CLTA: variants seen among roughly 807,000 people sequenced by gnomAD.
The protein encoded by CLTA is clathrin light chain A.
In CLTA, 9 loss-of-function variants were observed where a neutral mutation model predicts 26.9. The ratio of observed to expected loss-of-function variants is 0.33; its 90% CI spans 0.20 to 0.58. The LOEUF is 0.58. CLTA is among the 20% of genes least tolerant of loss of function. CLTA has a pLI of 0.85. For synonymous variants in CLTA, 120 were observed against 115.5 expected (o/e 1.04, Z -0.25); for missense variants, 278 against 294.2 (o/e 0.94, Z 0.40).
Position 36,198,310 on chromosome 9 carries a change from A to G in CLTA, c.256-669A>G, listed in dbSNP as rs186184403. 7.9e-5 allele frequency among the ~76,000 whole-genome samples: 12 copies of G among 151,740 alleles called. No individual in the cohort carries two copies. The East Asian group carries it at 1.6e-3, about 20-fold the overall frequency. On this transcript the variant is annotated intron_variant, in intron 2 of 4. Coordinates refer to ENST00000345519, the MANE Select transcript of CLTA (RefSeq NM_001833.4). ...ACCGCACCCCGCCAGAGCCACCGCA[A>G]CCTTGGCTCACTGCAGAACCCGTTT...
chr9:36,191,004 G>T lies in CLTA; in HGVS notation c.-53G>T, dbSNP rs1826661175. 1.1e-5 allele frequency: 16 copies of T among 1,473,844 alleles called. No homozygotes were observed. The Admixed American group carries it at 3.7e-4, about 34-fold the overall frequency. The allele number at this position is 1,473,844 out of a possible 1,614,324, so 91.3% of individuals were successfully genotyped here. On this transcript the variant is annotated 5_prime_UTR_variant, in exon 1 of 5. Transcript: ENST00000345519. ...GTGGCTGCCGGGCGTGGTGTCGGTG[G>T]GTCGGTTGGTTTTTGTCTCACCGTT...
intron 3 of CLTA, among the ~76,000 whole-genome samples, 163 bp downstream of exon 3, chr9:36,199,259 C>G (rs1827256003): frequency 1.3e-5 from 2 of 152,050 alleles, no homozygotes; most frequent in Non-Finnish European, 2.9e-5. Context: ...ACAGAGATGC[C>G]TAATCACAGG....
intron 1 of CLTA, among the ~76,000 whole-genome samples, chr9:36,195,573 A>G (rs1168202618): frequency 6.6e-6 from 1 of 152,190 alleles, no homozygotes; most frequent in Non-Finnish European, 1.5e-5. Context: ...AGTCCCTAGT[A>G]TCAGGGAAGG....
intron 1 of CLTA, among the ~76,000 whole-genome samples, chr9:36,194,962 G>A (rs1258068986): frequency 1.3e-5 from 2 of 152,200 alleles, no homozygotes; most frequent in African/African-American, 4.8e-5. Context: ...GGAGATGTGG[G>A]ATGAGGATTG....
At chr9:36,200,476 T>A (rs1827343451) in intron 3 of CLTA, among the ~76,000 whole-genome samples, 1 of 152,218 alleles carries the variant, frequency 6.6e-6, no homozygotes, top group African/African-American at 2.4e-5. Flanking sequence ...TATTCCCTCT[T>A]GGGAACTGTT....
intron 4 of CLTA, chr9:36,209,117 G>A: frequency 1.1e-6 from 1 of 885,972 alleles, no homozygotes; most frequent in Non-Finnish European, 1.7e-6. Flanking sequence ...CTCCAGCGCT[G>A]GAAGCCTCAC....
At chr9:36,199,454 C>CTT (rs879907387) in intron 3 of CLTA, among the ~76,000 whole-genome samples, 3 of 142,538 alleles carry the variant, frequency 2.1e-5, no homozygotes, top group Admixed American at 7.0e-5. Context: ...TTTCTTTTTT[C>CTT]TTTTTTTTTT....
At position 36,211,951 on chromosome 9, in the gene CLTA, C is replaced by A; in HGVS notation, c.*177C>A. ...CTTCAACTGTGTTCTCCCTGGCATT[C>A]AGAGAGGAGGGAGAGGAGGAAGAGG... is the stretch of plus-strand genomic sequence containing the variant. On this transcript the variant is annotated 3_prime_UTR_variant, in exon 5 of 5. Transcript: ENST00000345519. 1 of 713,282 alleles carries A rather than the reference C, an allele frequency of 1.4e-6. No homozygotes were observed. 44.2% of individuals were successfully genotyped at this position (713,282 alleles called of 1,614,324 possible). A position where few individuals can be genotyped will look rare whatever the true frequency, so the allele number is the denominator to read the frequency against.
intron 1 of CLTA, among the ~76,000 whole-genome samples, chr9:36,194,496 A>G (rs1440790020): frequency 1.3e-5 from 2 of 152,260 alleles, no homozygotes; most frequent in Admixed American, 1.3e-4. Flanking sequence ...TTCAGATCCC[A>G]GCAGTAGCTC....
intron 1 of CLTA, among the ~76,000 whole-genome samples, 163 bp downstream of exon 1, chr9:36,191,436 C>T (rs773721183): frequency 1.3e-5 from 2 of 152,348 alleles, no homozygotes; most frequent in South Asian, 2.1e-4. Context: ...GAAACCTAGG[C>T]TCGAGAAGCC....
In CLTA at chr9:36,211,678, G is replaced by A. The variant is rs759804811; in HGVS notation, c.561G>A (p.Leu187=). Reference sequence around the variant, plus strand: ...CTGAGTGGGAACGGGTGGCCCGGCTGTGTGACTTTAACCCCAAGTCTAGCA... The same window carrying A: ...CTGAGTGGGAACGGGTGGCCCGGCTATGTGACTTTAACCCCAAGTCTAGCA... ...PGTEWERVAR[L]CDFNPKSSKQ... Residue 187 remains leucine (L), a synonymous_variant, in exon 5 of 5, where the codon CTG becomes CTA. Coordinates refer to ENST00000345519, the MANE Select transcript of CLTA (RefSeq NM_001833.4). The A allele has an allele frequency of 1.2e-6, 2 of 1,614,020 alleles. No individual in the cohort carries two copies. The highest frequency in any genetic ancestry group is 1.3e-5 in the African/African-American group (1 of 74,920).
chr9:36,208,676 A>G (rs544213006), intron 4 of CLTA, among the ~76,000 whole-genome samples: 118 of 152,344 alleles, frequency 7.7e-4, no homozygotes, highest in African/African-American at 2.7e-3. Context: ...TTTGGGTCCT[A>G]GCGCATCTGG....
chr9:36,194,322 C>T (rs1049279238), intron 1 of CLTA, among the ~76,000 whole-genome samples: 3 of 152,146 alleles, frequency 2.0e-5, no homozygotes, highest in African/African-American at 7.2e-5. Flanking sequence ...CCACCGCACC[C>T]GGTGACAAGT....
At chr9:36,205,981 C>T (rs1827699490) in intron 4 of CLTA, among the ~76,000 whole-genome samples, 1 of 152,018 alleles carries the variant, frequency 6.6e-6, no homozygotes, top group African/African-American at 2.4e-5. Flanking sequence ...AGGATGGTCT[C>T]GATCTCCTGA....
chr9:36,207,225 G>A (rs1401679522), intron 4 of CLTA, among the ~76,000 whole-genome samples: 2 of 152,208 alleles, frequency 1.3e-5, no homozygotes, highest in Non-Finnish European at 2.9e-5. Flanking sequence ...TGAGGCCTAA[G>A]TGTCACAGTA....
intron 4 of CLTA, among the ~76,000 whole-genome samples, chr9:36,211,020 A>G (rs1376269527): frequency 6.6e-6 from 1 of 152,180 alleles, no homozygotes; most frequent in Non-Finnish European, 1.5e-5. Context: ...GGCTGGAGGG[A>G]AAATGGCAAA....
At chr9:36,201,645 C>T (rs1827411035) in intron 3 of CLTA, among the ~76,000 whole-genome samples, 1 of 151,992 alleles carries the variant, frequency 6.6e-6, no homozygotes. Flanking sequence ...AAATACTGTC[C>T]AATCAAAAAG....
At chr9:36,203,926 C>T in intron 3 of CLTA, 142 bp from the exon 4 acceptor site, 1 of 1,123,958 alleles carries the variant, frequency 8.9e-7, no homozygotes, top group Non-Finnish European at 1.2e-6. Context: ...AGTTTATCTT[C>T]CCCTCTCTAC....
rs754632055 is a variant in CLTA at position 36,191,071 on chromosome 9, T to C, written c.15T>C (p.Asp5=). Reference sequence around the variant, plus strand: ...AGTTGCCCGCCATGGCTGAGCTGGATCCGTTCGGCGCCCCTGCCGGCGCCC... The same window carrying C: ...AGTTGCCCGCCATGGCTGAGCTGGACCCGTTCGGCGCCCCTGCCGGCGCCC... MAEL[D]PFGAPAGAPG... Residue 5 remains aspartate (D), a synonymous_variant, in exon 1 of 5, where the codon GAT becomes GAC. Transcript: ENST00000345519. 12 of 1,573,120 alleles carry C rather than the reference T, an allele frequency of 7.6e-6. No homozygotes were observed. The South Asian group carries it at 1.4e-4, about 18-fold the overall frequency.
Sources: allele counts gnomAD v4.1 joint callset (sites outside exome capture counted in the v4.1 genomes callset), GRCh38; gene constraint gnomAD v4.1.1; transcripts MANE v1.5; gene names NCBI Gene and HGNC (gene_info 2026-07-23, HGNC 2026-07-21).